The following PHACTR1 variants were observed in gnomAD, a reference collection of about 807,000 sequenced individuals.
The protein encoded by PHACTR1 is RPEL repeat containing 1.
In PHACTR1, 16 loss-of-function variants were observed where a neutral mutation model predicts 69.2. The observed-to-expected ratio is 0.23, with a 90% CI of 0.16 to 0.35. The LOEUF (loss-of-function observed/expected upper bound fraction) is 0.35. PHACTR1 is among the 10% of genes least tolerant of loss of function. The probability of loss-of-function intolerance (pLI) is 1.00; values close to 1 mark genes in which losing one functional copy is unlikely to be tolerated. For synonymous variants in PHACTR1, 312 were observed against 284.5 expected, an observed-to-expected ratio of 1.10 and a Z score of -0.97; for missense variants, 510 against 734.7, an observed-to-expected ratio of 0.69 and a Z score of 3.54.
intron 4 of PHACTR1, among the ~76,000 whole-genome samples, chr6:12,919,230 A>C (rs9463278): frequency 0.16 from 23,733 of 151,858 alleles, 4,315 homozygotes; most frequent in African/African-American, 0.45. Flanking sequence ...GCAACCTCTG[A>C]CTCCCAGGTT....
intron 4 of PHACTR1, among the ~76,000 whole-genome samples, chr6:12,813,772 G>A (rs1450197961): frequency 6.6e-6 from 1 of 152,218 alleles, no homozygotes; most frequent in African/African-American, 2.4e-5. Flanking sequence ...GTCACCACTG[G>A]AACTAGTGCT....
At chr6:13,004,452 C>A (rs1798533505) in intron 4 of PHACTR1, among the ~76,000 whole-genome samples, 1 of 152,006 alleles carries the variant, frequency 6.6e-6, no homozygotes, top group South Asian at 2.1e-4. Context: ...GTGTCCTTTG[C>A]CCAATTTTTA....
chr6:12,779,953 G>A (rs6938417), intron 4 of PHACTR1, among the ~76,000 whole-genome samples: 67,020 of 151,972 alleles, frequency 0.44, 15,558 homozygotes, highest in African/African-American at 0.55. Flanking sequence ...AATGCTATTT[G>A]GAGGTTATTT....
chr6:13,041,382 A>C (rs1804137403), intron 4 of PHACTR1, among the ~76,000 whole-genome samples: 2 of 151,486 alleles, frequency 1.3e-5, no homozygotes, highest in African/African-American at 4.8e-5. Flanking sequence ...ACACACACAG[A>C]AGAGAAGAAT....
intron 4 of PHACTR1, among the ~76,000 whole-genome samples, chr6:12,787,448 A>G (rs1466192989): frequency 6.6e-6 from 1 of 152,194 alleles, no homozygotes; most frequent in Non-Finnish European, 1.5e-5. Flanking sequence ...TGTGTGGCAA[A>G]TCTTATATCT....
intron 4 of PHACTR1, among the ~76,000 whole-genome samples, chr6:12,963,573 T>C (rs1276697130): frequency 6.6e-6 from 1 of 152,174 alleles, no homozygotes; most frequent in Non-Finnish European, 1.5e-5. Context: ...AAAAATACAG[T>C]ATGCCTCCAG....
chr6:13,273,078 C>A, intron 11 of PHACTR1, 163 bp downstream of exon 11: 1 of 1,083,416 alleles, frequency 9.2e-7, no homozygotes, highest in Non-Finnish European at 1.3e-6. Context: ...CAAAGACGAC[C>A]TCCCCAAAGA....
chr6:13,111,922 A>T (rs908576971), intron 5 of PHACTR1, among the ~76,000 whole-genome samples: 1 of 152,000 alleles, frequency 6.6e-6, no homozygotes, highest in Non-Finnish European at 1.5e-5. Flanking sequence ...CAGATTTGTT[A>T]TATAGGTAAA....
intron 5 of PHACTR1, among the ~76,000 whole-genome samples, chr6:13,120,477 G>T (rs896027762): frequency 6.6e-6 from 1 of 152,216 alleles, no homozygotes; most frequent in South Asian, 2.1e-4. Flanking sequence ...GTCGAAGCAC[G>T]CTGCTGGCCA....
At position 13,205,991 on chromosome 6, in the gene PHACTR1, TCCCAGATCCAGCACCAGCTGCAGTACG is replaced by T. The variant is rs1765850368; in HGVS notation, c.842_868del (p.Ser281_Gly290delinsCys). On this transcript the variant is annotated inframe_deletion, in exon 8 of 15. Transcript: ENST00000332995. ...CCAGCACCACCACACTGTCCTGCCC[TCCCAGATCCAGCACCAGCTGCAGTACG>T]GCAGCCACGGCCAGCACCTCCCCTC... is the stretch of plus-strand genomic sequence containing the variant. The T allele has an allele frequency of 1.9e-6, 3 of 1,613,956 alleles. No homozygotes were observed. The highest frequency in any genetic ancestry group is 2.5e-6 in the Non-Finnish European group (3 of 1,179,886).
At chr6:13,175,625 A>G (rs1029370694) in intron 6 of PHACTR1, among the ~76,000 whole-genome samples, 2 of 152,180 alleles carry the variant, frequency 1.3e-5, no homozygotes, top group Admixed American at 6.5e-5. Flanking sequence ...CATTCTTTCT[A>G]TCACCTGTCA....
At chr6:13,193,068 A>G (rs1302649844) in intron 7 of PHACTR1, among the ~76,000 whole-genome samples, 1 of 152,084 alleles carries the variant, frequency 6.6e-6, no homozygotes, top group East Asian at 1.9e-4. Context: ...ATATTGGTCA[A>G]ACTCATGGTC....
At chr6:13,040,481 TTGACAGATGATAAGCCCAAA>T (rs1281500077) in intron 4 of PHACTR1, among the ~76,000 whole-genome samples, 6 of 152,194 alleles carry the variant, frequency 3.9e-5, no homozygotes, top group Non-Finnish European at 8.8e-5. Flanking sequence ...GAAAACATAT[TTGACAGATGATAAGCCCAAA>T]TTGTAGCCAA....
intron 5 of PHACTR1, among the ~76,000 whole-genome samples, chr6:13,057,386 T>C (rs1248733843): frequency 1.3e-5 from 2 of 152,218 alleles, no homozygotes; most frequent in East Asian, 1.9e-4. Context: ...TACAATATTA[T>C]CCACCATTTT....
chr6:13,229,928 A>T, intron 9 of PHACTR1, 109 bp from the exon 10 acceptor site: 2 of 1,312,470 alleles, frequency 1.5e-6, no homozygotes, highest in Non-Finnish European at 2.1e-6. Flanking sequence ...TTCAGGTGTT[A>T]AAACCTTGAT....
chr6:13,279,258 C>T (rs899254378), intron 12 of PHACTR1: 4 of 152,142 alleles, frequency 2.6e-5, no homozygotes, highest in African/African-American at 9.7e-5. Context: ...ACATGAGTGT[C>T]CTCTTTAATA....
At chr6:12,780,553 T>C (rs148564782) in intron 4 of PHACTR1, among the ~76,000 whole-genome samples, 98 of 152,328 alleles carry the variant, frequency 6.4e-4, no homozygotes, top group African/African-American at 2.2e-3. Flanking sequence ...AATAGAGCAC[T>C]AGGGGCTGCC....
chr6:12,856,711 C>T (rs1442331815), intron 4 of PHACTR1, among the ~76,000 whole-genome samples: 1 of 152,178 alleles, frequency 6.6e-6, no homozygotes, highest in Non-Finnish European at 1.5e-5. Flanking sequence ...CTTTCAAGAT[C>T]CTGCGTTCCC....
intron 4 of PHACTR1, among the ~76,000 whole-genome samples, chr6:12,800,033 A>T (rs1773516400): frequency 6.6e-6 from 1 of 152,184 alleles, no homozygotes; most frequent in South Asian, 2.1e-4. Context: ...TATATTGCTA[A>T]AAACACTGAA....
Sources: gnomAD v4.1 joint callset for allele counts (sites outside exome capture counted in the v4.1 genomes callset) on GRCh38, gnomAD v4.1.1 for gene constraint, MANE v1.5 for transcripts, NCBI Gene and HGNC (gene_info 2026-07-23, HGNC 2026-07-21) for gene names.